TPST2: variants seen among roughly 807,000 people sequenced by gnomAD.
TPST2 encodes the protein protein-tyrosine sulfotransferase 2.
In TPST2, 16 loss-of-function variants were observed where a neutral mutation model predicts 27.8. That is an observed-to-expected ratio of 0.58 (90% CI 0.39 to 0.88). The LOEUF is 0.88. Ranked by LOEUF, TPST2 falls within the 40% of genes least tolerant of loss-of-function variation. The pLI is 0.00. For synonymous variants in TPST2, 229 were observed against 231.7 expected (o/e 0.99, Z 0.10); for missense variants, 464 against 543.1 (o/e 0.85, Z 1.45).
At chr22:26,584,055 A>T (rs1226472640) in intron 1 of TPST2, among the ~76,000 whole-genome samples, 1 of 152,234 alleles carries the variant, frequency 6.6e-6, no homozygotes, top group Non-Finnish European at 1.5e-5. Flanking sequence ...GAAATGAGAA[A>T]TCAGAATTTT....
chr22:26,532,730 A>C lies in TPST2; in HGVS notation c.1057T>G (p.Tyr353Asp), dbSNP rs1264882094. 13 of 1,613,960 alleles carry C rather than the reference A, an allele frequency of 8.1e-6. No homozygotes were observed. Among genetic ancestry groups the C allele is most frequent in the Non-Finnish European group, 1.1e-5 (13 of 1,179,922 alleles). The change falls in exon 5 of 7, where the codon TAT becomes GAT. Residue 353 changes from tyrosine to aspartate, a missense_variant. By Grantham distance (160) the Tyr-to-Asp change is radical (BLOSUM62 -3). Transcript: ENST00000338754. ...NNTQRVLKGD[Y>D]KTPANLKGYF... ...CCTTTCAGATTGGCTGGTGTTTTAT[A>C]GTCCCCTTTCAAGACCTAAGGAAGA...
rs539141022 is a variant in TPST2 at position 26,561,686 on chromosome 22, C to CATCATTAT, written c.-160-17019_-160-17012dup. Among the ~76,000 whole-genome samples, 134 of 152,262 alleles carry CATCATTAT rather than the reference C, an allele frequency of 8.8e-4. 1 individual carries two copies. The South Asian group carries it at 0.027, about 31-fold the overall frequency. On this transcript the variant is annotated intron_variant, in intron 1 of 6. Coordinates refer to ENST00000338754, the MANE Select transcript of TPST2 (RefSeq NM_003595.5). ...AAACAGCAGGTGCTCTAGGTCTTATCATCATTATTACTATTATTAGTATCT... is the reference window on the plus strand; with the variant it reads ...AAACAGCAGGTGCTCTAGGTCTTATCATCATTATATCATTATTACTATTATTAGTATCT...
chr22:26,549,031 C>T (rs1018157097), intron 1 of TPST2, among the ~76,000 whole-genome samples: 9 of 152,182 alleles, frequency 5.9e-5, no homozygotes, highest in South Asian at 2.1e-4. Context: ...TAAAGGGATA[C>T]GCAGCCTGTA....
chr22:26,589,611 G>C (rs1029798313), intron 1 of TPST2, among the ~76,000 whole-genome samples: 1 of 152,142 alleles, frequency 6.6e-6, no homozygotes, highest in Admixed American at 6.5e-5. Context: ...GACGCTCCTC[G>C]CAACTCCACG....
At chr22:26,562,147 CAG>C (rs1459684153) in intron 1 of TPST2, among the ~76,000 whole-genome samples, 3 of 152,220 alleles carry the variant, frequency 2.0e-5, no homozygotes, top group African/African-American at 7.2e-5. Context: ...CACAGGGTGG[CAG>C]AGGAGAAACT....
intron 1 of TPST2, among the ~76,000 whole-genome samples, chr22:26,556,994 A>G (rs563214480): frequency 6.6e-6 from 1 of 152,398 alleles, no homozygotes; most frequent in Non-Finnish European, 1.5e-5. Context: ...TGAGGCAGGA[A>G]GACAGCTTGA....
At chr22:26,589,136 C>T (rs918772160) in intron 1 of TPST2, among the ~76,000 whole-genome samples, 3 of 152,110 alleles carry the variant, frequency 2.0e-5, no homozygotes, top group Non-Finnish European at 4.4e-5. Flanking sequence ...TCTGCCACAT[C>T]CTAGCTGTGA....
chr22:26,535,174 AG>A (rs1451283100), intron 4 of TPST2, among the ~76,000 whole-genome samples: 1 of 152,260 alleles, frequency 6.6e-6, no homozygotes, highest in East Asian at 1.9e-4. Flanking sequence ...AGCCAACTGA[AG>A]AGTTACGGAA....
At chr22:26,566,472 G>C (rs189183885) in intron 1 of TPST2, among the ~76,000 whole-genome samples, 36 of 152,130 alleles carry the variant, frequency 2.4e-4, no homozygotes, top group African/African-American at 8.2e-4. Flanking sequence ...AGAATCACTT[G>C]AACCTGGGAG....
intron 3 of TPST2, 142 bp from the exon 4 acceptor site, chr22:26,536,628 G>T: frequency 1.4e-6 from 1 of 696,188 alleles, no homozygotes; most frequent in Non-Finnish European, 2.2e-6. Flanking sequence ...ACTGTGAGAT[G>T]GCAGGTGAGT....
intron 1 of TPST2, among the ~76,000 whole-genome samples, chr22:26,576,615 A>G (rs1316072194): frequency 6.6e-6 from 1 of 152,134 alleles, no homozygotes; most frequent in African/African-American, 2.4e-5. Flanking sequence ...CACTGTGAAC[A>G]GAATTGTCTT....
At chr22:26,581,113 A>G (rs948169006) in intron 1 of TPST2, among the ~76,000 whole-genome samples, 3 of 152,092 alleles carry the variant, frequency 2.0e-5, no homozygotes, top group African/African-American at 7.2e-5. Context: ...ACCAGGCCAC[A>G]GAGTCTCACA....
intron 1 of TPST2, among the ~76,000 whole-genome samples, chr22:26,554,449 C>A (rs542245975): frequency 7.2e-5 from 11 of 152,274 alleles, no homozygotes; most frequent in African/African-American, 2.6e-4. Context: ...CCCCACCCAC[C>A]ATGGGATCCC....
At chr22:26,580,029 G>A (rs1392516403) in intron 1 of TPST2, among the ~76,000 whole-genome samples, 3 of 152,114 alleles carry the variant, frequency 2.0e-5, no homozygotes, top group Non-Finnish European at 1.5e-5. Context: ...TGGATTGCTT[G>A]AGCCCAGGAG....
chr22:26,564,443 C>T (rs911205813), intron 1 of TPST2, among the ~76,000 whole-genome samples: 5 of 152,214 alleles, frequency 3.3e-5, no homozygotes, highest in African/African-American at 1.2e-4. Context: ...CAGCGCAAGC[C>T]TTGCCCCGTC....
intron 2 of TPST2, among the ~76,000 whole-genome samples, chr22:26,543,724 A>G (rs1925978848): frequency 6.6e-6 from 1 of 152,244 alleles, no homozygotes; most frequent in Admixed American, 6.5e-5. Context: ...CCAAGGTTGC[A>G]TGGCCAGGGC....
At chr22:26,570,011 G>A (rs1304394406) in intron 1 of TPST2, among the ~76,000 whole-genome samples, 2 of 87,782 alleles carry the variant, frequency 2.3e-5, no homozygotes, top group Admixed American at 1.2e-4. Flanking sequence ...AAGAAAGAAA[G>A]AAAGAAAGAA....
At chr22:26,529,029 A>G (rs2283826) in intron 5 of TPST2, among the ~76,000 whole-genome samples, 44,491 of 151,822 alleles carry the variant, frequency 0.29, 6,750 homozygotes, top group South Asian at 0.41. Context: ...TATCTTTTGC[A>G]TGCTAATGAC....
At chr22:26,567,635 T>A (rs1927431761) in intron 1 of TPST2, among the ~76,000 whole-genome samples, 1 of 152,140 alleles carries the variant, frequency 6.6e-6, no homozygotes, top group Admixed American at 6.5e-5. Context: ...TCAAATGAAG[T>A]CATGCATGAA....
Sources: gnomAD v4.1 joint callset for allele counts (sites outside exome capture counted in the v4.1 genomes callset) on GRCh38, gnomAD v4.1.1 for gene constraint, MANE v1.5 for transcripts, NCBI Gene and HGNC (gene_info 2026-07-23, HGNC 2026-07-21) for gene names.